The following TCF12 variants were observed in gnomAD, a reference collection of about 807,000 sequenced individuals.
The protein encoded by TCF12 is DNA-binding protein HTF4.
Under a neutral mutation model 86.0 loss-of-function variants are expected in TCF12, and 45 were observed. That is an observed-to-expected ratio of 0.52 (90% CI 0.41 to 0.67). TCF12 has a LOEUF of 0.67. Ranked by LOEUF, TCF12 falls within the 30% of genes least tolerant of loss-of-function variation. The pLI is 0.00. For missense variants in TCF12, 881 were observed against 859.9 expected (o/e 1.02, Z -0.31); for synonymous variants, 330 against 299.6 (o/e 1.10, Z -1.05).
chr15:57,075,835 T>TCTCTCTCTCTCTTC (rs778545170), intron 4 of TCF12, among the ~76,000 whole-genome samples: 2 of 50,020 alleles, frequency 4.0e-5, no homozygotes, highest in Admixed American at 2.4e-4. Context: ...TCTCTCTCTC[T>TCTCTCTCTCTCTTC]TTTCTTTCTT....
intron 3 of TCF12, among the ~76,000 whole-genome samples, chr15:56,963,343 T>A (rs1436359915): frequency 2.0e-5 from 3 of 152,216 alleles, no homozygotes; most frequent in Non-Finnish European, 2.9e-5. Context: ...TTTCCACATG[T>A]GCCATTTATT....
At chr15:56,977,381 C>G (rs1483796678) in intron 3 of TCF12, among the ~76,000 whole-genome samples, 2 of 151,976 alleles carry the variant, frequency 1.3e-5, no homozygotes, top group African/African-American at 2.4e-5. Context: ...AAAAATATAA[C>G]AAGTAGCCAA....
At position 57,253,248 on chromosome 15, in the gene TCF12, T is replaced by C. The variant is rs751808842; in HGVS notation, c.1261-14T>C. ...CCAGCAATAACCACCATGTTTTTTTTTTAATCCATACAGCAGTCTCGAATG... is the reference window on the plus strand; with the variant it reads ...CCAGCAATAACCACCATGTTTTTTTCTTAATCCATACAGCAGTCTCGAATG... On this transcript the variant is annotated splice_polypyrimidine_tract_variant and intron_variant, in intron 15 of 20. Transcript: ENST00000333725. The C allele has an allele frequency of 1.9e-6, 3 of 1,613,286 alleles. No homozygotes were observed. Among genetic ancestry groups the C allele is most frequent in the Non-Finnish European group, 2.5e-6 (3 of 1,179,378 alleles).
chr15:57,159,816 G>C (rs1483107010), intron 5 of TCF12, among the ~76,000 whole-genome samples: 1 of 152,188 alleles, frequency 6.6e-6, no homozygotes, highest in Non-Finnish European at 1.5e-5. Flanking sequence ...CAGAAATAAT[G>C]TTGGCTTCCA....
chr15:57,105,632 G>A (rs1022014008), intron 5 of TCF12, among the ~76,000 whole-genome samples: 12 of 151,980 alleles, frequency 7.9e-5, no homozygotes, highest in Non-Finnish European at 1.5e-4. Context: ...GGCTGGCCTC[G>A]AACTCCTGAC....
At chr15:57,122,594 C>G (rs1456622847) in intron 5 of TCF12, among the ~76,000 whole-genome samples, 1 of 152,158 alleles carries the variant, frequency 6.6e-6, no homozygotes, top group Non-Finnish European at 1.5e-5. Context: ...TTCTCTGACT[C>G]CAAAGTACAT....
intron 4 of TCF12, among the ~76,000 whole-genome samples, chr15:57,073,280 G>A (rs1056518426): frequency 2.0e-5 from 3 of 152,084 alleles, no homozygotes; most frequent in Non-Finnish European, 4.4e-5. Flanking sequence ...AAAAATCAAA[G>A]CATATTAATC....
intron 13 of TCF12, among the ~76,000 whole-genome samples, chr15:57,243,881 A>G (rs925810449): frequency 6.6e-6 from 1 of 152,108 alleles, no homozygotes; most frequent in Non-Finnish European, 1.5e-5. Flanking sequence ...AAGTTTTTCT[A>G]AAGTTATTTT....
chr15:56,965,277 T>C lies in TCF12; in HGVS notation c.148+44179T>C, dbSNP rs557777173. Among the ~76,000 whole-genome samples, 3 of 152,216 alleles carry C rather than the reference T, an allele frequency of 2.0e-5. No individual in the cohort carries two copies. The East Asian group carries it at 5.8e-4, about 29-fold the overall frequency. On this transcript the variant is annotated intron_variant, in intron 3 of 20. Transcript: ENST00000333725. Reference sequence around the variant, plus strand: ...CCCAAGAAGTAAATATTGGTAAAAATGGCAAGGAAAGTAATTCTAGGGACC... The same window carrying C: ...CCCAAGAAGTAAATATTGGTAAAAACGGCAAGGAAAGTAATTCTAGGGACC...
intron 7 of TCF12, among the ~76,000 whole-genome samples, chr15:57,196,866 C>T (rs2733303): frequency 1 from 152,119 of 152,330 alleles, 75,955 homozygotes; most frequent in Middle Eastern, 1. Context: ...CTGAATGATA[C>T]TGCATTTGTC....
intron 6 of TCF12, among the ~76,000 whole-genome samples, chr15:57,174,952 T>G (rs77712911): frequency 0.041 from 6,279 of 152,100 alleles, 380 homozygotes; most frequent in Admixed American, 0.17. Context: ...CCCTGTCTCT[T>G]TAGGGGAAGA....
intron 6 of TCF12, among the ~76,000 whole-genome samples, chr15:57,173,677 T>G (rs1434816592): frequency 6.6e-6 from 1 of 151,976 alleles, no homozygotes; most frequent in Non-Finnish European, 1.5e-5. Flanking sequence ...AGGAGACAAA[T>G]TGAAACAAAA....
chr15:57,219,941 G>T (rs958052949), intron 8 of TCF12, among the ~76,000 whole-genome samples: 1 of 151,918 alleles, frequency 6.6e-6, no homozygotes, highest in Non-Finnish European at 1.5e-5. Flanking sequence ...GGCCAGGCTG[G>T]TCTCGAACTC....
At chr15:57,158,737 A>T (rs184370350) in intron 5 of TCF12, among the ~76,000 whole-genome samples, 1 of 152,218 alleles carries the variant, frequency 6.6e-6, no homozygotes, top group Non-Finnish European at 1.5e-5. Flanking sequence ...CCTGTGGTTT[A>T]TCACTAATCT....
intron 3 of TCF12, among the ~76,000 whole-genome samples, chr15:57,028,426 A>G (rs2065952132): frequency 6.6e-6 from 1 of 152,140 alleles, no homozygotes. Flanking sequence ...ATGTGGTAGT[A>G]TCTCATTATG....
chr15:57,078,561 A>G (rs2070342753), intron 4 of TCF12, among the ~76,000 whole-genome samples: 1 of 152,184 alleles, frequency 6.6e-6, no homozygotes, highest in Non-Finnish European at 1.5e-5. Context: ...CACAATGCCT[A>G]ATGTATTATA....
At chr15:57,015,943 T>C (rs1169559958) in intron 3 of TCF12, among the ~76,000 whole-genome samples, 1 of 152,178 alleles carries the variant, frequency 6.6e-6, no homozygotes, top group East Asian at 1.9e-4. Flanking sequence ...TAATGACTTG[T>C]ATTGTAAGAG....
At chr15:57,234,855 T>TC (rs2059315676) in intron 12 of TCF12, among the ~76,000 whole-genome samples, 1 of 152,172 alleles carries the variant, frequency 6.6e-6, no homozygotes, top group South Asian at 2.1e-4. Context: ...TGATTTTTTT[T>TC]CTTCTTGTTT....
intron 3 of TCF12, among the ~76,000 whole-genome samples, chr15:56,974,087 G>A (rs1189297494): frequency 1.3e-5 from 2 of 151,980 alleles, no homozygotes; most frequent in African/African-American, 4.8e-5. Context: ...GACATTATTG[G>A]GACAATTGGT....
Sources: allele counts gnomAD v4.1 joint callset (sites outside exome capture counted in the v4.1 genomes callset), GRCh38; gene constraint gnomAD v4.1.1; transcripts MANE v1.5; gene names NCBI Gene and HGNC (gene_info 2026-07-23, HGNC 2026-07-21).